Variants in NAPEPLD observed in about 807,000 individuals in gnomAD.
NAPEPLD encodes the protein N-acyl-phosphatidylethanolamine-hydrolyzing phospholipase D.
In NAPEPLD, 23 loss-of-function variants were observed where a neutral mutation model predicts 38.1. The observed-to-expected ratio is 0.60, with a 90% CI of 0.43 to 0.86. The LOEUF is 0.86. Ranked by LOEUF, NAPEPLD falls within the 40% of genes least tolerant of loss-of-function variation. NAPEPLD has a pLI of 0.00. For synonymous variants in NAPEPLD, 147 were observed against 162.0 expected, an observed-to-expected ratio of 0.91 and a Z score of 0.71; for missense variants, 411 against 476.8, an observed-to-expected ratio of 0.86 and a Z score of 1.28.
chr7:103,131,133 C>T (rs574072837), intron 1 of NAPEPLD, among the ~76,000 whole-genome samples: 1 of 152,218 alleles, frequency 6.6e-6, no homozygotes, highest in South Asian at 2.1e-4. Context: ...CATGATAAAA[C>T]AGCTTATGAG....
chr7:103,130,516 G>A (rs992144996), intron 1 of NAPEPLD, among the ~76,000 whole-genome samples: 1 of 152,248 alleles, frequency 6.6e-6, no homozygotes, highest in Middle Eastern at 3.4e-3. Context: ...AATGGCACAG[G>A]TACATAATGT....
intron 1 of NAPEPLD, chr7:103,141,944 G>A (rs954266718): frequency 1.1e-6 from 1 of 880,716 alleles, no homozygotes; most frequent in African/African-American, 1.6e-5. Context: ...ACTCAAGGCT[G>A]CAGCCACAGC....
intron 2 of NAPEPLD, chr7:103,127,641 G>C (rs912643124): frequency 1.3e-5 from 2 of 152,124 alleles, no homozygotes; most frequent in Non-Finnish European, 2.9e-5. Context: ...GACCACCTGA[G>C]AGTCTTTCCC....
chr7:103,129,901 C>G (rs1808572557), intron 1 of NAPEPLD, among the ~76,000 whole-genome samples: 1 of 152,204 alleles, frequency 6.6e-6, no homozygotes, highest in Admixed American at 6.5e-5. Flanking sequence ...CAATCAATGT[C>G]AGCTGTTGCT....
chr7:103,124,041 C>T (rs1807250453), intron 2 of NAPEPLD, among the ~76,000 whole-genome samples: 1 of 152,114 alleles, frequency 6.6e-6, no homozygotes, highest in Admixed American at 6.6e-5. Context: ...GTGGTACATG[C>T]CTGTAATCCC....
intron 1 of NAPEPLD, among the ~76,000 whole-genome samples, chr7:103,130,239 G>A (rs1244655232): frequency 2.0e-5 from 3 of 152,254 alleles, no homozygotes; most frequent in South Asian, 2.1e-4. Flanking sequence ...GGATGAATAC[G>A]TACACAGAAC....
chr7:103,129,294 T>C (rs991186990), intron 1 of NAPEPLD: 1 of 984,080 alleles, frequency 1.0e-6, no homozygotes, highest in African/African-American at 1.7e-5. Context: ...CCTATTAACA[T>C]AACTGCCAAG....
At chr7:103,148,663 A>G (rs1173093731) in intron 1 of NAPEPLD, 148 bp downstream of exon 1, 2 of 401,404 alleles carry the variant, frequency 5.0e-6, no homozygotes, top group Non-Finnish European at 6.7e-6. Flanking sequence ...CCATAGTTAA[A>G]TAAGTACACT....
chr7:103,108,097 C>T (rs1395998227), intron 4 of NAPEPLD, among the ~76,000 whole-genome samples: 1 of 151,210 alleles, frequency 6.6e-6, no homozygotes. Context: ...AGAAACCCTA[C>T]AAGCCCAGAA....
chr7:103,132,637 A>G (rs1388697313), intron 1 of NAPEPLD, among the ~76,000 whole-genome samples: 1 of 151,994 alleles, frequency 6.6e-6, no homozygotes, highest in African/African-American at 2.4e-5. Flanking sequence ...AAATAAAAAT[A>G]AAAATAAATA....
intron 1 of NAPEPLD, among the ~76,000 whole-genome samples, chr7:103,132,561 T>C (rs577719069): frequency 2.6e-5 from 4 of 151,420 alleles, no homozygotes; most frequent in African/African-American, 9.7e-5. Context: ...AAAGTCCTCA[T>C]TGACACCCAA....
chr7:103,116,196 G>C (rs1805536195), intron 3 of NAPEPLD, among the ~76,000 whole-genome samples: 1 of 151,990 alleles, frequency 6.6e-6, no homozygotes. Flanking sequence ...TGGGTAGCTG[G>C]GACTATAGGC....
chr7:103,113,823 T>C (rs141806058), intron 4 of NAPEPLD, among the ~76,000 whole-genome samples: 1 of 151,828 alleles, frequency 6.6e-6, no homozygotes, highest in Non-Finnish European at 1.5e-5. Context: ...GTTTTCATCA[T>C]GTTGGCCAGG....
intron 3 of NAPEPLD, among the ~76,000 whole-genome samples, chr7:103,118,524 C>T (rs1805996023): frequency 6.6e-6 from 1 of 152,092 alleles, no homozygotes; most frequent in Admixed American, 6.6e-5. Flanking sequence ...ATAACAAAAT[C>T]AGATGAAAAC....
chr7:103,137,675 G>C (rs1035524351), intron 1 of NAPEPLD, among the ~76,000 whole-genome samples: 6 of 152,042 alleles, frequency 3.9e-5, no homozygotes, highest in African/African-American at 1.4e-4. Context: ...GTCAGGCCAG[G>C]TGTGGTGGTG....
rs1193736262 is a variant in NAPEPLD at position 103,125,921 on chromosome 7, A to AAT, written c.294+2561_294+2562insAT. On this transcript the variant is annotated intron_variant, in intron 2 of 4. Coordinates refer to ENST00000465647, the MANE Select transcript of NAPEPLD (RefSeq NM_001122838.3). ...TAATAATAATAATAATAATAATAAT[A>AAT]AATAAAAATGAAACAAATTCTTGAG... Among the ~76,000 whole-genome samples the AAT allele has an allele frequency of 7.3e-3, 1,028 of 141,498 alleles. 12 individuals carry two copies. The highest frequency in any genetic ancestry group is 0.026 in the African/African-American group (1,003 of 38,638). 92.8% of individuals were successfully genotyped at this position (141,498 alleles called of 152,430 possible).
intron 4 of NAPEPLD, among the ~76,000 whole-genome samples, chr7:103,108,746 A>T (rs1359929530): frequency 6.6e-6 from 1 of 152,238 alleles, no homozygotes; most frequent in Non-Finnish European, 1.5e-5. Context: ...TAACAATATT[A>T]ACCTTAAATG....
At chr7:103,129,063 C>T (rs1808409769) in intron 1 of NAPEPLD, among the ~76,000 whole-genome samples, 1 of 152,040 alleles carries the variant, frequency 6.6e-6, no homozygotes, top group African/African-American at 2.4e-5. Context: ...GTCGGGAGTT[C>T]GAGACCAGCC....
intron 1 of NAPEPLD, among the ~76,000 whole-genome samples, chr7:103,136,962 G>A (rs1810202315): frequency 6.6e-6 from 1 of 152,082 alleles, no homozygotes; most frequent in Non-Finnish European, 1.5e-5. Flanking sequence ...GTTTTGAGAT[G>A]GAGTTTTGCT....
Sources: gnomAD v4.1 joint callset for allele counts (sites outside exome capture counted in the v4.1 genomes callset) on GRCh38, gnomAD v4.1.1 for gene constraint, MANE v1.5 for transcripts, NCBI Gene and HGNC (gene_info 2026-07-23, HGNC 2026-07-21) for gene names.